SPIDR: variants seen among roughly 807,000 people sequenced by gnomAD.
SPIDR encodes DNA repair-scaffolding protein.
Under a neutral mutation model 104.6 loss-of-function variants are expected in SPIDR, and 93 were observed. That is an observed-to-expected ratio of 0.89 (90% confidence interval 0.75 to 1.06). SPIDR has a LOEUF of 1.06. Among genes scored for constraint, SPIDR ranks in the 50% least tolerant of loss-of-function variants. SPIDR has a pLI of 0.00. For synonymous variants in SPIDR, 431 were observed against 416.9 expected, an observed-to-expected ratio of 1.03 and a Z score of -0.41; for missense variants, 1,154 against 1,111.2, an observed-to-expected ratio of 1.04 and a Z score of -0.55.
At chr8:47,672,724 C>A (rs2075956219) in intron 10 of SPIDR, among the ~76,000 whole-genome samples, 1 of 152,226 alleles carries the variant, frequency 6.6e-6, no homozygotes. Flanking sequence ...AAGTCCCCAG[C>A]AGGTCTGGTG....
chr8:47,349,409 A>G lies in SPIDR; in HGVS notation c.526-46967A>G, dbSNP rs185811712. Among the ~76,000 whole-genome samples the G allele has an allele frequency of 3.9e-5, 6 of 152,322 alleles. No homozygotes were observed. The East Asian group carries it at 1.2e-3, about 29-fold the overall frequency. On this transcript the variant is annotated intron_variant, in intron 5 of 19. Transcript: ENST00000297423. ...CCCTACTGGGAGATGTCTCCCAGTT[A>G]GGCTGCTTGGGGGTCAGGGACCCCC...
intron 10 of SPIDR, among the ~76,000 whole-genome samples, chr8:47,654,419 C>T (rs1588873318): frequency 6.6e-6 from 1 of 152,190 alleles, no homozygotes; most frequent in East Asian, 1.9e-4. Context: ...GGTTTTGAGA[C>T]TCAGTGACTG....
chr8:47,273,498 C>T (rs911687738), intron 1 of SPIDR, among the ~76,000 whole-genome samples: 3 of 152,064 alleles, frequency 2.0e-5, no homozygotes, highest in East Asian at 1.9e-4. Flanking sequence ...GAAGCTTCCA[C>T]GCCCTCTCTG....
chr8:47,681,779 G>A (rs776593446), intron 11 of SPIDR, among the ~76,000 whole-genome samples: 2 of 152,138 alleles, frequency 1.3e-5, no homozygotes, highest in Non-Finnish European at 2.9e-5. Flanking sequence ...TTTTGATAAT[G>A]TGTATTTTGC....
chr8:47,712,911 T>C (rs771045690), intron 15 of SPIDR, 39 bp downstream of exon 15: 1 of 1,611,400 alleles, frequency 6.2e-7, no homozygotes, highest in Admixed American at 1.7e-5. Flanking sequence ...CAGGGGCGAC[T>C]GATCCGTGCC....
In SPIDR at chr8:47,603,304, T is replaced by C. The variant is rs572206489; in HGVS notation, c.1544+4108T>C. Among the ~76,000 whole-genome samples the C allele has an allele frequency of 9.1e-4, 139 of 152,320 alleles. 4 individuals are homozygous for C. The South Asian group carries it at 0.028, about 31-fold the overall frequency. On this transcript the variant is annotated intron_variant, in intron 10 of 19. Transcript: ENST00000297423. ...ATATTACCTCACTCCAAGCCCATGG[T>C]GATTGCCAGCAGACATCACCTTTCT...
At chr8:47,588,320 G>C (rs1191694101) in intron 8 of SPIDR, among the ~76,000 whole-genome samples, 10 of 146,734 alleles carry the variant, frequency 6.8e-5, no homozygotes, top group African/African-American at 2.5e-4. Context: ...GGTTATTTTG[G>C]TCTTTTTTTT....
chr8:47,338,900 A>G (rs1227584434), intron 5 of SPIDR, among the ~76,000 whole-genome samples: 1 of 152,204 alleles, frequency 6.6e-6, no homozygotes, highest in African/African-American at 2.4e-5. Context: ...GACGTCTTTC[A>G]GCCTAAATGG....
intron 1 of SPIDR, among the ~76,000 whole-genome samples, chr8:47,267,607 T>G (rs1212613466): frequency 6.6e-6 from 1 of 152,232 alleles, no homozygotes; most frequent in Non-Finnish European, 1.5e-5. Flanking sequence ...CTAATGAGAT[T>G]GAGCATCTTT....
At chr8:47,266,694 C>G (rs1282380033) in intron 1 of SPIDR, among the ~76,000 whole-genome samples, 2 of 152,106 alleles carry the variant, frequency 1.3e-5, no homozygotes, top group East Asian at 1.9e-4. Context: ...CAAACTTTTC[C>G]AAAGTGGTTA....
Position 47,406,876 on chromosome 8 carries a change from A to G in SPIDR, c.777-985A>G, listed in dbSNP as rs536339847. ...TATCATCTGTGCAGTGGGTACTGAT[A>G]TCTGTTCTTTCAGTCTCAAAGGGAT... On this transcript the variant is annotated intron_variant, in intron 6 of 19. Transcript: ENST00000297423. Among the ~76,000 whole-genome samples, 21 of 152,304 alleles carry G rather than the reference A, an allele frequency of 1.4e-4. No homozygotes were observed. In the South Asian group the frequency reaches 1.7e-3, roughly 12 times the overall value.
intron 10 of SPIDR, among the ~76,000 whole-genome samples, chr8:47,655,137 A>T (rs562491558): frequency 6.6e-6 from 1 of 152,214 alleles, no homozygotes; most frequent in African/African-American, 2.4e-5. Context: ...TGTTGGACAT[A>T]TGGGTTGGTT....
chr8:47,486,132 A>C (rs1554731022), intron 8 of SPIDR, among the ~76,000 whole-genome samples: 1 of 152,242 alleles, frequency 6.6e-6, no homozygotes, highest in East Asian at 1.9e-4. Context: ...GGCTAACTAG[A>C]ATAACCAGTG....
At chr8:47,444,752 T>A (rs2070227868) in intron 8 of SPIDR, among the ~76,000 whole-genome samples, 1 of 152,214 alleles carries the variant, frequency 6.6e-6, no homozygotes, top group Non-Finnish European at 1.5e-5. Context: ...ATTTCCATAG[T>A]AACCTGTAAA....
intron 5 of SPIDR, among the ~76,000 whole-genome samples, chr8:47,303,166 G>A (rs951282198): frequency 6.6e-6 from 1 of 152,306 alleles, no homozygotes; most frequent in Non-Finnish European, 1.5e-5. Context: ...CCCGCAGCCT[G>A]GCTGCTGCCT....
Position 47,283,367 on chromosome 8 carries a change from T to C in SPIDR, c.190-661T>C, listed in dbSNP as rs868935013. Among the ~76,000 whole-genome samples, 1,147 of 152,302 alleles carry C rather than the reference T, an allele frequency of 7.5e-3. 13 individuals carry two copies. Among genetic ancestry groups the C allele is most frequent in the African/African-American group, 0.026 (1,099 of 41,556 alleles). ...CATTTATTAATTTTGCTCTCTTATA[T>C]TGGTTTTGACTGTGGCACCCCAAAT... On this transcript the variant is annotated intron_variant, in intron 2 of 19. Transcript: ENST00000297423.
intron 8 of SPIDR, among the ~76,000 whole-genome samples, chr8:47,522,289 T>C (rs947299213): frequency 6.6e-6 from 1 of 152,240 alleles, no homozygotes; most frequent in Non-Finnish European, 1.5e-5. Context: ...ATGGAGCATG[T>C]GCTTTGACTC....
In SPIDR at chr8:47,735,432, G is replaced by A. The variant is rs755665994; in HGVS notation, c.2730G>A (p.Gly910=). The change falls in exon 20 of 20, where the codon GGG becomes GGA. Residue 910 remains glycine, a synonymous_variant. Coordinates refer to ENST00000297423, the MANE Select transcript of SPIDR (RefSeq NM_001080394.4). ...LEEIELLSAG[G]ASAEH The stretch of plus-strand genomic sequence containing the variant: ...AAATCGAGCTTCTGAGTGCAGGAGG[G>A]GCCTCTGCAGAACACTAGCGGTTGC... 4.3e-6 allele frequency: 7 copies of A among 1,614,168 alleles called. No individual in the cohort carries two copies. The highest frequency in any genetic ancestry group is 2.2e-5 in the East Asian group (1 of 44,886).
At chr8:47,734,081 T>C (rs779720805) in intron 19 of SPIDR, among the ~76,000 whole-genome samples, 2 of 152,144 alleles carry the variant, frequency 1.3e-5, no homozygotes, top group Non-Finnish European at 2.9e-5. Context: ...GCATCAATAT[T>C]CATTCTGTGC....
Sources: gnomAD v4.1 joint callset for allele counts (sites outside exome capture counted in the v4.1 genomes callset) on GRCh38, gnomAD v4.1.1 for gene constraint, MANE v1.5 for transcripts, NCBI Gene and HGNC (gene_info 2026-07-23, HGNC 2026-07-21) for gene names.